The following CAMTA1 variants were observed in gnomAD, a reference collection of about 807,000 sequenced individuals.
CAMTA1 encodes the protein calmodulin-binding transcription activator 1.
In CAMTA1, 27 loss-of-function variants were observed where a neutral mutation model predicts 170.9. The observed-to-expected ratio is 0.16, with a 90% CI of 0.12 to 0.22. CAMTA1 has a LOEUF of 0.22. Among genes scored for constraint, CAMTA1 ranks in the 10% least tolerant of loss-of-function variants. The pLI, the probability that CAMTA1 is intolerant of heterozygous loss-of-function variation, is 1.00. For missense variants in CAMTA1, 1,619 were observed against 2,217.2 expected, an observed-to-expected ratio of 0.73 and a Z score of 5.42; for synonymous variants, 833 against 891.5, an observed-to-expected ratio of 0.93 and a Z score of 1.17.
intron 3 of CAMTA1, among the ~76,000 whole-genome samples, chr1:6,875,226 C>T (rs564701397): frequency 1.3e-5 from 2 of 152,200 alleles, no homozygotes; most frequent in South Asian, 2.1e-4. Context: ...TCCTAGGAAA[C>T]GGTTTTGCCC....
chr1:7,461,315 C>T (rs2093082779), intron 5 of CAMTA1, among the ~76,000 whole-genome samples: 1 of 152,192 alleles, frequency 6.6e-6, no homozygotes, highest in Admixed American at 6.5e-5. Flanking sequence ...GGGTCCCAAG[C>T]TCCCAGTGTC....
intron 6 of CAMTA1, among the ~76,000 whole-genome samples, chr1:7,477,885 G>A (rs1042627374): frequency 2.6e-5 from 4 of 152,182 alleles, no homozygotes; most frequent in Admixed American, 1.3e-4. Flanking sequence ...GGGAGACCTC[G>A]GGGCATCAGG....
In CAMTA1 at chr1:7,248,031, C is replaced by T. The variant is rs144392678; in HGVS notation, c.303-1460C>T. Among the ~76,000 whole-genome samples, 5 of 152,274 alleles carry T rather than the reference C, an allele frequency of 3.3e-5. No homozygotes were observed. The highest frequency in any genetic ancestry group is 2.1e-4 in the South Asian group (1 of 4,826). ...CGGGAAACAATGAAGTATCGGGAGT[C>T]GCTGTTGAAAGTCTGTAATTTCCAG... On this transcript the variant is annotated intron_variant, in intron 4 of 22. Coordinates refer to ENST00000303635, the MANE Select transcript of CAMTA1 (RefSeq NM_015215.4). This position sits in a 1 kb window ranked among gnomAD's most constrained non-coding sequence, Gnocchi z 4.0.
intron 3 of CAMTA1, among the ~76,000 whole-genome samples, chr1:6,957,240 C>G (rs1337249493): frequency 6.6e-6 from 1 of 152,204 alleles, no homozygotes; most frequent in Non-Finnish European, 1.5e-5. Flanking sequence ...GTGGCCAGCA[C>G]TGGGACTGGT....
chr1:7,495,312 GAGTTCA>G lies in CAMTA1; in HGVS notation c.510+27412_510+27417del, dbSNP rs758053950. ...CCTTGATCTTCAACGATCATGATTA[GAGTTCA>G]TTTGATTCCCGCAGCTGTGTTCTGG... On this transcript the variant is annotated intron_variant, in intron 6 of 22. Coordinates refer to ENST00000303635, the MANE Select transcript of CAMTA1 (RefSeq NM_015215.4). Among the ~76,000 whole-genome samples, 497 of 152,274 alleles carry G rather than the reference GAGTTCA, an allele frequency of 3.3e-3. 6 individuals carry two copies. Among genetic ancestry groups the G allele is most frequent in the Non-Finnish European group, 4.6e-3 (312 of 68,016 alleles).
rs79231468 is a variant in CAMTA1, at chr1:6,971,176, C to T, written c.235-120128C>T. On this transcript the variant is annotated intron_variant, in intron 3 of 22. Transcript: ENST00000303635. This position sits in a 1 kb window ranked among gnomAD's most constrained non-coding sequence, Gnocchi z 4.6. ...AGTAATTAACAGAGTGAGCATGAGA[C>T]GTTCCTGCTGGAGAAGAGCACACGA... Among the ~76,000 whole-genome samples, 1,186 of 152,292 alleles carry T rather than the reference C, an allele frequency of 7.8e-3. 14 individuals are homozygous for T. Among genetic ancestry groups the T allele is most frequent in the African/African-American group, 0.027 (1,117 of 41,556 alleles).
In CAMTA1 at chr1:6,918,856, G is replaced by A. The variant is rs1378844835; in HGVS notation, c.234+93646G>A. On this transcript the variant is annotated intron_variant, in intron 3 of 22. Transcript: ENST00000303635. This position sits in a 1 kb window ranked among gnomAD's most constrained non-coding sequence, Gnocchi z 4.0. ...TGATGCAGAGAAGAAAGGAGGGTCT[G>A]AATCGGGCCCAGCAGAACTAGCCGC... is the stretch of plus-strand genomic sequence containing the variant. 6.6e-6 allele frequency among the ~76,000 whole-genome samples: 1 copy of A among 152,212 alleles called. No individual in the cohort carries two copies. The highest frequency in any genetic ancestry group is 6.5e-5 in the Admixed American group (1 of 15,292).
chr1:7,699,836 T>C (rs2096418987), intron 11 of CAMTA1, among the ~76,000 whole-genome samples: 1 of 152,244 alleles, frequency 6.6e-6, no homozygotes, highest in Admixed American at 6.5e-5. Context: ...TTTGGAGAAA[T>C]GTCTATTCAG....
chr1:7,500,660 T>C (rs962536808), intron 6 of CAMTA1, among the ~76,000 whole-genome samples: 1 of 152,184 alleles, frequency 6.6e-6, no homozygotes, highest in Non-Finnish European at 1.5e-5. Flanking sequence ...GCCGTGTTCC[T>C]GCCTGTGGTC....
intron 6 of CAMTA1, among the ~76,000 whole-genome samples, chr1:7,574,426 G>A (rs933853993): frequency 5.9e-5 from 9 of 152,168 alleles, no homozygotes; most frequent in Admixed American, 2.0e-4. Context: ...GTGGCACCTC[G>A]TTTGCACAGC....
chr1:6,855,841 A>G (rs1458278600), intron 3 of CAMTA1, among the ~76,000 whole-genome samples: 1 of 152,208 alleles, frequency 6.6e-6, no homozygotes, highest in African/African-American at 2.4e-5. Flanking sequence ...GCTGAGGTAG[A>G]GTCTGCAAGG....
At chr1:6,915,260 A>AT (rs1056705024) in intron 3 of CAMTA1, among the ~76,000 whole-genome samples, 1 of 152,164 alleles carries the variant, frequency 6.6e-6, no homozygotes, top group Non-Finnish European at 1.5e-5. Flanking sequence ...CAGAGATTAG[A>AT]TTTTTTTACT....
At chr1:7,516,080 C>T (rs1211042422) in intron 6 of CAMTA1, among the ~76,000 whole-genome samples, 2 of 152,218 alleles carry the variant, frequency 1.3e-5, no homozygotes, top group Non-Finnish European at 2.9e-5. Context: ...GAGAACCTAC[C>T]CCACTCCCGC....
intron 6 of CAMTA1, among the ~76,000 whole-genome samples, chr1:7,501,283 T>A (rs927738876): frequency 6.6e-6 from 1 of 151,994 alleles, no homozygotes; most frequent in Non-Finnish European, 1.5e-5. Context: ...ATTGCTGAGA[T>A]GAATGGGAAG....
At chr1:7,081,795 T>G (rs1271282767) in intron 3 of CAMTA1, among the ~76,000 whole-genome samples, 3 of 152,168 alleles carry the variant, frequency 2.0e-5, no homozygotes, top group East Asian at 3.9e-4. Flanking sequence ...CCAGACTTTA[T>G]TTTTCAAGAG....
chr1:7,233,427 A>G (rs764529030), intron 4 of CAMTA1, among the ~76,000 whole-genome samples: 1 of 152,192 alleles, frequency 6.6e-6, no homozygotes, highest in Non-Finnish European at 1.5e-5. Context: ...TTTCTTGACT[A>G]TAGTGTTGAA....
chr1:6,874,496 C>T, intron 3 of CAMTA1: 1 of 152,420 alleles, frequency 6.6e-6, no homozygotes, highest in Non-Finnish European at 1.5e-5. Context: ...CTGATCCTCA[C>T]ACCCAGAAAA....
chr1:6,942,181 C>A (rs1256126423), intron 3 of CAMTA1, among the ~76,000 whole-genome samples: 2 of 152,088 alleles, frequency 1.3e-5, no homozygotes, highest in African/African-American at 4.8e-5. Context: ...ATACAATACA[C>A]CCTGTTCAGA....
chr1:7,668,075 C>A (rs1203973316), intron 9 of CAMTA1, among the ~76,000 whole-genome samples: 1 of 152,172 alleles, frequency 6.6e-6, no homozygotes, highest in African/African-American at 2.4e-5. Context: ...CTCGTCCTGT[C>A]CCCTCCCTGC....
Sources: gnomAD v4.1 joint callset for allele counts (sites outside exome capture counted in the v4.1 genomes callset) on GRCh38, gnomAD v4.1.1 for gene constraint, Gnocchi (gnomAD v3.1) non-coding constraint, MANE v1.5 for transcripts, NCBI Gene and HGNC (gene_info 2026-07-23, HGNC 2026-07-21) for gene names.